RARG: variants seen among roughly 807,000 people sequenced by gnomAD.
RARG encodes RAR-gamma.
Under a neutral mutation model 43.7 loss-of-function variants are expected in RARG, and 17 were observed. That is an observed-to-expected ratio of 0.39 (90% CI 0.27 to 0.58). The LOEUF is 0.58. Ranked by LOEUF, RARG falls within the 20% of genes least tolerant of loss-of-function variation. RARG has a pLI of 0.57. For synonymous variants in RARG, 238 were observed against 236.4 expected (o/e 1.01, Z -0.06); for missense variants, 346 against 598.7 (o/e 0.58, Z 4.40).
At chr12:53,224,062 G>A in intron 3 of RARG, among the ~76,000 whole-genome samples, 1 of 152,148 alleles carries the variant, frequency 6.6e-6, no homozygotes, top group East Asian at 1.9e-4. Flanking sequence ...CAAACATAGA[G>A]ATACATAGGG....
chr12:53,220,575 A>T lies in RARG; in HGVS notation c.185-4781T>A, dbSNP rs923068733. Among the ~76,000 whole-genome samples the T allele has an allele frequency of 2.6e-5, 4 of 152,142 alleles. No homozygotes were observed. In the South Asian group the frequency reaches 8.3e-4, roughly 32 times the overall value. ...AAGAATTTGCAAATATGCAAGAGTG[A>T]ACATACATGTGAGCACGCATATAAA... On this transcript the variant is annotated intron_variant, in intron 3 of 9. Coordinates refer to ENST00000425354, the MANE Select transcript of RARG (RefSeq NM_000966.6).
At position 53,227,754 on chromosome 12, in the gene RARG, C is replaced by T. The variant is rs1393344909; in HGVS notation, c.-142-67G>A. 3.5e-6 allele frequency: 4 copies of T among 1,128,786 alleles called. No individual in the cohort carries two copies. The highest frequency in any genetic ancestry group is 3.2e-5 in the East Asian group (1 of 30,950). 69.9% of individuals were successfully genotyped at this position (1,128,786 alleles called of 1,614,324 possible). A position where few individuals can be genotyped will look rare whatever the true frequency, so the allele number is the denominator to read the frequency against. ...ACTCTGAGGTTCCAAGCCCTGTGACCCTCTCTCAGTTGCAGTCTTCTCCCT... is the reference window on the plus strand; with the variant it reads ...ACTCTGAGGTTCCAAGCCCTGTGACTCTCTCTCAGTTGCAGTCTTCTCCCT... On this transcript the variant is annotated intron_variant, in intron 2 of 9. Transcript: ENST00000425354. The surrounding 1 kb of genome is among the most constrained non-coding windows in gnomAD (Gnocchi z 4.3).
rs1592431164 is a variant in RARG at position 53,215,749 on chromosome 12, G to A, written c.230C>T (p.Ser77Leu). Residue 77 changes from serine (S) to leucine (L), a missense_variant, in exon 4 of 10, where the codon TCG becomes TTG. Around this residue, in one of 8 missense-constraint regions of RARG, gnomAD observed 50 missense variants for 117.7 expected, o/e 0.42. Transcript: ENST00000425354. The surrounding 1 kb of genome is among the most constrained non-coding windows in gnomAD (Gnocchi z 6.4). ...CCGAGGAGGCGGAGGGGGCGAGGGC[G>A]AGCTGGGCACCATCTCCTCTGAGCT... Reference protein sequence around the residue: ...STSSEEMVPSSPSPPPPPRVY... With the variant: ...STSSEEMVPSLPSPPPPPRVY... The A allele has an allele frequency of 1.2e-6, 2 of 1,613,232 alleles. No individual in the cohort carries two copies. Among genetic ancestry groups the A allele is most frequent in the Non-Finnish European group, 8.5e-7 (1 of 1,179,844 alleles).
chr12:53,226,137 C>T (rs1391116586), intron 3 of RARG, among the ~76,000 whole-genome samples: 7 of 151,922 alleles, frequency 4.6e-5, no homozygotes, highest in African/African-American at 9.7e-5. Flanking sequence ...ACCTTTTTTT[C>T]TCTCTCTCTC....
At chr12:53,226,894 T>C (rs1202157506) in intron 3 of RARG, among the ~76,000 whole-genome samples, 1 of 152,080 alleles carries the variant, frequency 6.6e-6, no homozygotes, top group Non-Finnish European at 1.5e-5. Flanking sequence ...TTACAGGCGT[T>C]AGCCACTGCA....
Position 53,213,757 on chromosome 12 carries a change from G to A in RARG, c.814-57C>T. On this transcript the variant is annotated intron_variant, in intron 7 of 9. Coordinates refer to ENST00000425354, the MANE Select transcript of RARG (RefSeq NM_000966.6). This position sits in a 1 kb window ranked among gnomAD's most constrained non-coding sequence, Gnocchi z 4.7. ...TGTTTCTGGGGGATGGGGAAAAGAG[G>A]GAATGAGTGGAAAGTGAGGAGGTTA... The A allele has an allele frequency of 6.7e-7, 1 of 1,499,026 alleles. No homozygotes were observed. Among genetic ancestry groups the A allele is most frequent in the Non-Finnish European group, 9.2e-7 (1 of 1,085,732 alleles). 92.9% of individuals were successfully genotyped at this position (1,499,026 alleles called of 1,614,324 possible).
chr12:53,212,296 C>T (rs888643362), intron 9 of RARG, among the ~76,000 whole-genome samples: 8 of 152,212 alleles, frequency 5.3e-5, no homozygotes, highest in Admixed American at 5.2e-4. Flanking sequence ...TAGAACTTTG[C>T]AATGATAGGA....
chr12:53,211,470 C>T lies in RARG; in HGVS notation c.*206G>A, dbSNP rs1942584906. The T allele has an allele frequency of 4.4e-6, 2 of 451,446 alleles. No individual in the cohort carries two copies. The highest frequency in any genetic ancestry group is 2.0e-5 in the African/African-American group (1 of 48,888). The allele number at this position is 451,446 out of a possible 1,614,324, so 28.0% of individuals were successfully genotyped here. A position where few individuals can be genotyped will look rare whatever the true frequency, so the allele number is the denominator to read the frequency against. On this transcript the variant is annotated 3_prime_UTR_variant, in exon 10 of 10. Coordinates refer to ENST00000425354, the MANE Select transcript of RARG (RefSeq NM_000966.6). This position sits in a 1 kb window ranked among gnomAD's most constrained non-coding sequence, Gnocchi z 4.6. ...TCTCTCCTGGTGGGAGCAGGGCAGG[C>T]CCCCGGGACTGGCGAGGGAGCCGGT... is the stretch of plus-strand genomic sequence containing the variant.
chr12:53,222,317 A>G (rs575656584), intron 3 of RARG, among the ~76,000 whole-genome samples: 35 of 150,372 alleles, frequency 2.3e-4, no homozygotes, highest in South Asian at 1.1e-3. Flanking sequence ...GAGAGAGAGA[A>G]AGAAAGAACT....
At chr12:53,214,781 CT>C (rs1304588846) in intron 5 of RARG, 175 bp from the exon 6 acceptor site, 1 of 704,632 alleles carries the variant, frequency 1.4e-6, no homozygotes, top group African/African-American at 1.8e-5. Context: ...CAGGCTGGTT[CT>C]CCCCAGCCCC....
chr12:53,210,807 T>G lies in RARG; in HGVS notation c.*869A>C, dbSNP rs554091577. On this transcript the variant is annotated 3_prime_UTR_variant, in exon 10 of 10. Transcript: ENST00000425354. ...AAGACCCCTGGAGGAAGGGGTCAAT[T>G]CCACGGTGTAAACAAAAGCTAATAA... is the stretch of plus-strand genomic sequence containing the variant. 8 of 152,658 alleles carry G rather than the reference T, an allele frequency of 5.2e-5. No homozygotes were observed. The highest frequency in any genetic ancestry group is 7.3e-5 in the Non-Finnish European group (5 of 68,028). The allele number at this position is 152,658 out of a possible 1,614,324, so 9.5% of individuals were successfully genotyped here.
At chr12:53,214,711 A>C (rs1182330725) in intron 5 of RARG, 105 bp from the exon 6 acceptor site, 1 of 1,194,020 alleles carries the variant, frequency 8.4e-7, no homozygotes, top group Non-Finnish European at 1.1e-6. Context: ...ATGAATATCT[A>C]TTCTCTGGCA....
chr12:53,232,175 C>T lies in RARG; in HGVS notation c.-411G>A. The stretch of plus-strand genomic sequence containing the variant: ...CCCAAAATATCCGACACATTTTCTC[C>T]CAAACCGCACACTGACTCTGCAGGC... On this transcript the variant is annotated 5_prime_UTR_variant, in exon 1 of 10. Coordinates refer to ENST00000425354, the MANE Select transcript of RARG (RefSeq NM_000966.6). 2.5e-6 allele frequency: 1 copy of T among 398,606 alleles called. No individual in the cohort carries two copies. Among genetic ancestry groups the T allele is most frequent in the Non-Finnish European group, 4.4e-6 (1 of 226,038 alleles). 24.7% of individuals were successfully genotyped at this position (398,606 alleles called of 1,614,324 possible). A position where few individuals can be genotyped will look rare whatever the true frequency, so the allele number is the denominator to read the frequency against.
rs552624839 is a variant in RARG, at chr12:53,221,001, T to G, written c.185-5207A>C. On this transcript the variant is annotated intron_variant, in intron 3 of 9. Transcript: ENST00000425354. The stretch of plus-strand genomic sequence containing the variant: ...GGCTCGGCGCGCGCTGCCTCCTCCT[T>G]CCTTCCCGTCTCCCCACCCGCGGTC... Among the ~76,000 whole-genome samples the G allele has an allele frequency of 2.0e-3, 302 of 151,506 alleles. 1 individual carries two copies. The highest frequency in any genetic ancestry group is 6.7e-3 in the African/African-American group (275 of 41,250).
At chr12:53,216,357 A>T (rs1407673589) in intron 3 of RARG, among the ~76,000 whole-genome samples, 2 of 152,166 alleles carry the variant, frequency 1.3e-5, no homozygotes, top group Non-Finnish European at 2.9e-5. Context: ...TTTCCTTTCC[A>T]GTAGTACAGG....
intron 3 of RARG, among the ~76,000 whole-genome samples, chr12:53,218,221 C>T (rs1371952317): frequency 1.3e-5 from 2 of 152,106 alleles, no homozygotes; most frequent in Non-Finnish European, 2.9e-5. Context: ...ATCCAGCCCA[C>T]CTCCACCCCC....
chr12:53,211,811 G>A lies in RARG; in HGVS notation c.1230C>T (p.Pro410=), dbSNP rs1485053315. 4.5e-6 allele frequency: 7 copies of A among 1,544,414 alleles called. No individual in the cohort carries two copies. The highest frequency in any genetic ancestry group is 4.9e-5 in the East Asian group (2 of 40,408). ...LKMEIPGPMP[P]LIREMLENPE... is the part of the protein sequence containing the mutation. ...GGTTCTCCAGCATCTCTCGGATTAA[G>A]GGAGGCATCGGGCCTGGAATCTCCA... is the stretch of plus-strand genomic sequence containing the variant. The change falls in exon 10 of 10, where the codon CCC becomes CCT. Residue 410 remains proline, a synonymous_variant. Coordinates refer to ENST00000425354, the MANE Select transcript of RARG (RefSeq NM_000966.6). This position sits in a 1 kb window ranked among gnomAD's most constrained non-coding sequence, Gnocchi z 4.6.
intron 2 of RARG, among the ~76,000 whole-genome samples, chr12:53,228,881 T>C (rs1310003844): frequency 6.6e-6 from 1 of 152,198 alleles, no homozygotes; most frequent in East Asian, 1.9e-4. Flanking sequence ...GCATTCTGCC[T>C]CCTTTTCTTT....
At chr12:53,222,134 C>G (rs1942984855) in intron 3 of RARG, among the ~76,000 whole-genome samples, 1 of 151,840 alleles carries the variant, frequency 6.6e-6, no homozygotes, top group Non-Finnish European at 1.5e-5. Context: ...ATGCACTGCT[C>G]TTTCCAACCC....
Sources: gnomAD v4.1 joint callset for allele counts (sites outside exome capture counted in the v4.1 genomes callset) on GRCh38, gnomAD v4.1.1 for gene constraint, gnomAD v4.1.1 regional missense constraint, Gnocchi (gnomAD v3.1) non-coding constraint, MANE v1.5 for transcripts, NCBI Gene and HGNC (gene_info 2026-07-23, HGNC 2026-07-21) for gene names.